The following IFT172 variants were observed in gnomAD, a reference collection of about 807,000 sequenced individuals.
IFT172 encodes the protein intraflagellar transport 172, also known as intraflagellar transport protein 172 homolog.
A neutral mutation model predicts 248.9 loss-of-function variants in IFT172; 164 were observed. That is an observed-to-expected ratio of 0.66 (90% CI 0.58 to 0.75). IFT172 has a LOEUF of 0.75. Among genes scored for constraint, IFT172 ranks in the 30% least tolerant of loss-of-function variants. IFT172 has a pLI of 0.00. For synonymous variants in IFT172, 729 were observed against 791.6 expected, an observed-to-expected ratio of 0.92 and a Z score of 1.33; for missense variants, 1,950 against 2,192.4, an observed-to-expected ratio of 0.89 and a Z score of 2.21.
In IFT172 at chr2:27,447,527, A is replaced by G; in HGVS notation, c.4647T>C (p.Ser1549=). The part of the protein sequence containing the change: ...HYYATRSAAQ[S]VKQLETVAAR... Reference sequence around the variant, plus strand: ...CCCTACATCTCACCAGCTGTTTGACACTCTGGGCTGCAGAGCGCGTGGCAT... The same window carrying G: ...CCCTACATCTCACCAGCTGTTTGACGCTCTGGGCTGCAGAGCGCGTGGCAT... The change falls in exon 42 of 48, where the codon AGT becomes AGC. Residue 1549 remains serine (S), a synonymous_variant. Transcript: ENST00000260570. The G allele has an allele frequency of 6.2e-7, 1 of 1,613,970 alleles. No homozygotes were observed. Among genetic ancestry groups the G allele is most frequent in the Non-Finnish European group, 8.5e-7 (1 of 1,179,944 alleles).
chr2:27,465,610 G>C, intron 17 of IFT172, 92 bp from the exon 18 acceptor site: 1 of 1,529,300 alleles, frequency 6.5e-7, no homozygotes. Context: ...GAGGGGGAAG[G>C]GCCATCTTTG....
chr2:27,477,854 G>T, intron 11 of IFT172, 141 bp downstream of exon 11: 1 of 1,046,810 alleles, frequency 9.6e-7, no homozygotes, highest in Non-Finnish European at 1.4e-6. Flanking sequence ...AAACTCCTGG[G>T]TCTCCTTCCC....
chr2:27,471,501 T>C (rs944274067), intron 15 of IFT172, among the ~76,000 whole-genome samples: 16 of 152,332 alleles, frequency 1.1e-4, no homozygotes, highest in African/African-American at 3.6e-4. Flanking sequence ...GGTGCTACCA[T>C]ATTGGGATGA....
In IFT172 at chr2:27,446,405, T is replaced by C. The variant is rs769417539; in HGVS notation, c.4660-50A>G. The C allele has an allele frequency of 2.6e-6, 4 of 1,518,368 alleles. No homozygotes were observed. In the South Asian group the frequency reaches 4.5e-5, roughly 17 times the overall value. 94.1% of individuals were successfully genotyped at this position (1,518,368 alleles called of 1,614,324 possible). ...GAATATGGCACTAAAGTGACTGAGC[T>C]ACCAGACCAATGATCCTGTAAGGCA... On this transcript the variant is annotated intron_variant, in intron 42 of 47. Coordinates refer to ENST00000260570, the MANE Select transcript of IFT172 (RefSeq NM_015662.3).
chr2:27,474,573 C>T (rs554707796), intron 14 of IFT172, among the ~76,000 whole-genome samples: 19 of 152,116 alleles, frequency 1.2e-4, no homozygotes, highest in Admixed American at 7.2e-4. Flanking sequence ...TTGTTGGAGA[C>T]GGAGTTTCAC....
Position 27,459,612 on chromosome 2 carries a change from A to G in IFT172, c.2643-90T>C. The G allele has an allele frequency of 6.2e-6, 10 of 1,601,886 alleles. No homozygotes were observed. The South Asian group carries it at 1.1e-4, about 18-fold the overall frequency. On this transcript the variant is annotated intron_variant, in intron 24 of 47. Transcript: ENST00000260570. ...ACCCTTTAAGCACACTTCAACCTACATTTTGAGATCTCTTCTTTAAGGCCT... is the reference window on the plus strand; with the variant it reads ...ACCCTTTAAGCACACTTCAACCTACGTTTTGAGATCTCTTCTTTAAGGCCT...
chr2:27,480,015 T>C lies in IFT172; in HGVS notation c.909+11A>G, dbSNP rs757627628. ...AGTCACCAATCCAGAAAGGGATTAC[T>C]AGTAACACACCACACAGAGCCGTGA... On this transcript the variant is annotated intron_variant, in intron 9 of 47. Transcript: ENST00000260570. 3.1e-6 allele frequency: 5 copies of C among 1,610,086 alleles called. No homozygotes were observed. Among genetic ancestry groups the C allele is most frequent in the Admixed American group, 3.4e-5 (2 of 58,534 alleles).
rs371521736 is a variant in IFT172 at position 27,476,677 on chromosome 2, A to T, written c.1375T>A (p.Leu459Met). The change falls in exon 14 of 48, where the codon TTG becomes ATG. Residue 459 changes from leucine to methionine, a missense_variant. Leu to Met is a conservative substitution (Grantham distance 15). Transcript: ENST00000260570. Reference sequence around the variant, plus strand: ...GTCTTAATATCAATAAGATAAGCCAATTTCTTATTATCTTCTGTTCCTCGC... The same window carrying T: ...GTCTTAATATCAATAAGATAAGCCATTTTCTTATTATCTTCTGTTCCTCGC... ...CQRGTEDNKK[L>M]AYLIDIKTIA... is the part of the protein sequence containing the mutation. The T allele has an allele frequency of 3.1e-6, 5 of 1,611,696 alleles. No individual in the cohort carries two copies. The highest frequency in any genetic ancestry group is 4.2e-6 in the Non-Finnish European group (5 of 1,177,892).
chr2:27,466,566 T>C (rs1667098430), intron 16 of IFT172, among the ~76,000 whole-genome samples: 1 of 152,168 alleles, frequency 6.6e-6, no homozygotes, highest in African/African-American at 2.4e-5. Context: ...AACATATCCA[T>C]TTTAAGCCCT....
At position 27,483,594 on chromosome 2, in the gene IFT172, C is replaced by T. The variant is rs1249420741; in HGVS notation, c.468G>A (p.Val156=). ...STIYGTESYV[V]SLTTNCSGKG... is the part of the protein sequence containing the mutation. ...TCTTTACTCACTTTGTTGTCAGGGA[C>T]ACCACGTAAGACTCTGTCCCATAGA... The change falls in exon 6 of 48, where the codon GTG becomes GTA. Residue 156 remains valine, a synonymous_variant. Coordinates refer to ENST00000260570, the MANE Select transcript of IFT172 (RefSeq NM_015662.3). 4 of 1,614,064 alleles carry T rather than the reference C, an allele frequency of 2.5e-6. No individual in the cohort carries two copies. The highest frequency in any genetic ancestry group is 3.4e-6 in the Non-Finnish European group (4 of 1,180,004).
At position 27,483,864 on chromosome 2, in the gene IFT172, T is replaced by C. The variant is rs184565714; in HGVS notation, c.402+8A>G. 9.3e-6 allele frequency: 15 copies of C among 1,609,976 alleles called. No individual in the cohort carries two copies. Among genetic ancestry groups the C allele is most frequent in the African/African-American group, 1.3e-5 (1 of 74,822 alleles). ...CCCCCTCTCTTGTGTTTCCCTTCCC[T>C]CTTTTACCTTCCCTTCAGCCAGTCC... On this transcript the variant is annotated splice_region_variant and intron_variant, in intron 5 of 47. Transcript: ENST00000260570.
intron 1 of IFT172, among the ~76,000 whole-genome samples, chr2:27,487,044 G>A (rs907220317): frequency 6.6e-6 from 1 of 151,950 alleles, no homozygotes; most frequent in African/African-American, 2.4e-5. Context: ...TTGGGCTCAA[G>A]CGATTCTCCT....
At chr2:27,480,947 T>A (rs1668308262) in intron 8 of IFT172, 99 bp downstream of exon 8, 4 of 862,886 alleles carry the variant, frequency 4.6e-6, no homozygotes, top group Non-Finnish European at 7.6e-6. Context: ...TACATTTGAT[T>A]CTGCTCCAGT....
At chr2:27,476,810 G>A in intron 13 of IFT172, 84 bp from the exon 14 acceptor site, 2 of 778,104 alleles carry the variant, frequency 2.6e-6, no homozygotes, top group South Asian at 1.5e-5. Flanking sequence ...CATATGGGAT[G>A]AAGCTTTTAT....
At chr2:27,486,620 C>A (rs1248524866) in intron 1 of IFT172, among the ~76,000 whole-genome samples, 4 of 152,208 alleles carry the variant, frequency 2.6e-5, no homozygotes, top group Non-Finnish European at 5.9e-5. Flanking sequence ...ATCCTCAAAC[C>A]AGAAAATAGC....
rs762435260 is a variant in IFT172 at position 27,462,797 on chromosome 2, TG to T, written c.2023-5del. 5 of 1,613,656 alleles carry T rather than the reference TG, an allele frequency of 3.1e-6. No homozygotes were observed. The South Asian group carries it at 4.4e-5, about 14-fold the overall frequency. On this transcript the variant is annotated splice_polypyrimidine_tract_variant and splice_region_variant and intron_variant, in intron 19 of 47. Coordinates refer to ENST00000260570, the MANE Select transcript of IFT172 (RefSeq NM_015662.3). The stretch of plus-strand genomic sequence containing the variant: ...AAAAGTCTGTTCCTTCTCCGCCCTG[TG>T]GGGGAAAAAGGAGGTTCTGATTTTT...
At position 27,479,548 on chromosome 2, in the gene IFT172, G is replaced by A; in HGVS notation, c.966C>T (p.Tyr322=). 3 of 1,613,386 alleles carry A rather than the reference G, an allele frequency of 1.9e-6. No homozygotes were observed. Among genetic ancestry groups the A allele is most frequent in the Non-Finnish European group, 2.5e-6 (3 of 1,179,352 alleles). Residue 322 remains tyrosine (Y), a synonymous_variant, in exon 10 of 48, where the codon TAC becomes TAT. Transcript: ENST00000260570. ...CATACGTCAACTCAAACTTGTTCTT[G>A]TAAATACTCCTTCGGAGGCAGCAGT... ...QFDCCLRRSI[Y]KNKFELTYVG... is the part of the protein sequence containing the mutation.
intron 1 of IFT172, among the ~76,000 whole-genome samples, chr2:27,487,556 T>C (rs180793544): frequency 6.6e-6 from 1 of 152,292 alleles, no homozygotes; most frequent in Admixed American, 6.5e-5. Flanking sequence ...CAAGTTCACA[T>C]ATACAGTTTG....
rs757297478 is a variant in IFT172, at chr2:27,447,497, C to T, written c.4659+18G>A. ...GAGCCCTTCTGACTGAGTGTTCCTTCGACCCCCTACATCTCACCAGCTGTT... is the reference window on the plus strand; with the variant it reads ...GAGCCCTTCTGACTGAGTGTTCCTTTGACCCCCTACATCTCACCAGCTGTT... On this transcript the variant is annotated intron_variant, in intron 42 of 47. Coordinates refer to ENST00000260570, the MANE Select transcript of IFT172 (RefSeq NM_015662.3). 12 of 1,611,806 alleles carry T rather than the reference C, an allele frequency of 7.4e-6. No individual in the cohort carries two copies. Among genetic ancestry groups the T allele is most frequent in the Middle Eastern group, 3.3e-4 (2 of 6,070 alleles).
Sources: gnomAD v4.1 joint callset for allele counts (sites outside exome capture counted in the v4.1 genomes callset) on GRCh38, gnomAD v4.1.1 for gene constraint, MANE v1.5 for transcripts, NCBI Gene and HGNC (gene_info 2026-07-23, HGNC 2026-07-21) for gene names.